Variants in GAS6 observed in about 807,000 individuals in gnomAD.
GAS6 encodes growth arrest specific 6.
In GAS6, 41 loss-of-function variants were observed where a neutral mutation model predicts 75.8. The observed-to-expected ratio is 0.54, with a 90% CI of 0.42 to 0.70. The LOEUF is 0.70. Among genes scored for constraint, GAS6 ranks in the 30% least tolerant of loss-of-function variants. The pLI is 0.00. For missense variants in GAS6, 854 were observed against 940.2 expected, an observed-to-expected ratio of 0.91 and a Z score of 1.20; for synonymous variants, 432 against 412.6, an observed-to-expected ratio of 1.05 and a Z score of -0.57.
chr13:113,858,388 AGT>A (rs761909539), intron 2 of GAS6, among the ~76,000 whole-genome samples: 42 of 149,240 alleles, frequency 2.8e-4, no homozygotes, highest in South Asian at 1.7e-3. Flanking sequence ...CATGTCTGTC[AGT>A]GTGTGTGACT....
chr13:113,832,422 G>A lies in GAS6; in HGVS notation c.1020C>T (p.His340=), dbSNP rs2051640273. 3.1e-6 allele frequency: 5 copies of A among 1,610,338 alleles called. No individual in the cohort carries two copies. The highest frequency in any genetic ancestry group is 1.3e-5 in the African/African-American group (1 of 74,914). ...CCAGCACGATCCAGGTGCTGTCCTG[G>A]TGGCCTCCGGCAAAGAGGAGGATGC... ...PEGILLFAGG[H]QDSTWIVLAL... The change falls in exon 10 of 15, where the codon CAC becomes CAT. Residue 340 remains histidine, a synonymous_variant. Coordinates refer to ENST00000327773, the MANE Select transcript of GAS6 (RefSeq NM_000820.4).
Position 113,864,020 on chromosome 13 carries a change from A to AG in GAS6, c.-101dup. On this transcript the variant is annotated 5_prime_UTR_variant, in exon 1 of 15. Transcript: ENST00000327773. ...GGTCATCCCGTCCTGGCGGCCCTGA[A>AG]GGTCACATCGCGGCGGCGGCGGCGG... is the stretch of plus-strand genomic sequence containing the variant. 2 of 1,015,434 alleles carry AG rather than the reference A, an allele frequency of 2.0e-6. No homozygotes were observed. Among genetic ancestry groups the AG allele is most frequent in the Non-Finnish European group, 2.3e-6 (2 of 852,332 alleles). 62.9% of individuals were successfully genotyped at this position (1,015,434 alleles called of 1,614,324 possible).
chr13:113,823,147 C>A, intron 13 of GAS6: 1 of 475,884 alleles, frequency 2.1e-6, no homozygotes, highest in Admixed American at 3.9e-5. Flanking sequence ...CCGAGTGTGG[C>A]TCGCAGGCGC....
chr13:113,848,521 G>A lies in GAS6; in HGVS notation c.256-471C>T, dbSNP rs968195939. On this transcript the variant is annotated intron_variant, in intron 2 of 14. Transcript: ENST00000327773. The surrounding 1 kb of genome is among the most constrained non-coding windows in gnomAD (Gnocchi z 4.8). ...GAAGGGTCTTCTTATCCATGAAAGC[G>A]CACTGACGAGGTCCACATTCGACAC... 3.3e-5 allele frequency among the ~76,000 whole-genome samples: 5 copies of A among 152,136 alleles called. No individual in the cohort carries two copies. Among genetic ancestry groups the A allele is most frequent in the African/African-American group, 4.8e-5 (2 of 41,410 alleles).
At chr13:113,852,883 G>C (rs577609542) in intron 2 of GAS6, among the ~76,000 whole-genome samples, 63 of 152,312 alleles carry the variant, frequency 4.1e-4, no homozygotes, top group African/African-American at 1.5e-3. Context: ...CTGGTGACAG[G>C]CTTCCTCACC....
In GAS6 at chr13:113,826,985, C is replaced by A. The variant is rs2051558382; in HGVS notation, c.1477+11G>T. ...GCCACAGCCACCCCAACGGTAAGAG[C>A]CAAGACTTACTGTAGTCCAGGCTGT... On this transcript the variant is annotated intron_variant, in intron 12 of 14. Coordinates refer to ENST00000327773, the MANE Select transcript of GAS6 (RefSeq NM_000820.4). 6.2e-7 allele frequency: 1 copy of A among 1,611,194 alleles called. No homozygotes were observed. The highest frequency in any genetic ancestry group is 1.3e-5 in the African/African-American group (1 of 74,808).
rs2051639983 is a variant in GAS6 at position 113,832,401 on chromosome 13, C to T, written c.1041G>A (p.Val347=). ...AGGHQDSTWI[V]LALRAGRLEL... ...CCAGCCGGCCGGCTCTCAGGGCCAG[C>T]ACGATCCAGGTGCTGTCCTGGTGGC... Residue 347 remains valine (V), a synonymous_variant, in exon 10 of 15, where the codon GTG becomes GTA. Coordinates refer to ENST00000327773, the MANE Select transcript of GAS6 (RefSeq NM_000820.4). The T allele has an allele frequency of 2.5e-6, 4 of 1,612,078 alleles. No individual in the cohort carries two copies. The highest frequency in any genetic ancestry group is 1.3e-5 in the African/African-American group (1 of 74,940).
intron 8 of GAS6, chr13:113,832,957 T>C: frequency 6.9e-7 from 1 of 1,456,766 alleles, no homozygotes; most frequent in Non-Finnish European, 9.1e-7. Flanking sequence ...AGCAGCCGCT[T>C]CCCACAGGGC....
chr13:113,832,154 C>A (rs1043216127), intron 10 of GAS6, 145 bp downstream of exon 10: 1 of 916,070 alleles, frequency 1.1e-6, no homozygotes, highest in Non-Finnish European at 1.6e-6. Flanking sequence ...ATGAACTAAA[C>A]GGGGCAGGGG....
At chr13:113,859,006 GTC>G (rs1307529056) in intron 2 of GAS6, among the ~76,000 whole-genome samples, 2 of 151,842 alleles carry the variant, frequency 1.3e-5, no homozygotes, top group African/African-American at 4.8e-5. Context: ...ATGTATACAT[GTC>G]TGTTAGTATG....
intron 12 of GAS6, 46 bp downstream of exon 12, chr13:113,826,950 T>G (rs1163936465): frequency 6.6e-7 from 1 of 1,505,802 alleles, no homozygotes; most frequent in Admixed American, 1.9e-5. Context: ...TATGCCTGTC[T>G]GAAGGTGCAG....
chr13:113,856,502 G>C (rs2051915900), intron 2 of GAS6, among the ~76,000 whole-genome samples: 1 of 152,132 alleles, frequency 6.6e-6, no homozygotes. Flanking sequence ...ACTCTCAGGA[G>C]GACCCGTGCA....
rs1324942867 is a variant in GAS6 at position 113,839,702 on chromosome 13, C to T, written c.466+26G>A. 1.9e-6 allele frequency: 3 copies of T among 1,611,062 alleles called. No homozygotes were observed. The South Asian group carries it at 3.3e-5, about 18-fold the overall frequency. On this transcript the variant is annotated intron_variant, in intron 5 of 14. Coordinates refer to ENST00000327773, the MANE Select transcript of GAS6 (RefSeq NM_000820.4). ...GCAGGGTCGGAGATGGAGGGAGACC[C>T]CGCCTTTGTCTTCAGCCTCACGTAC...
In GAS6 at chr13:113,820,996, T is replaced by C. The variant is rs2051449128; in HGVS notation, c.1905A>G (p.Pro635=). 1 of 1,612,610 alleles carries C rather than the reference T, an allele frequency of 6.2e-7. No homozygotes were observed. The highest frequency in any genetic ancestry group is 8.5e-7 in the Non-Finnish European group (1 of 1,179,878). ...GLPDVPVTSA[P]VTAFYRGCMT... The stretch of plus-strand genomic sequence containing the variant: ...TGCAGCCGCGGTAGAACGCGGTGAC[T>C]GGCGCTGAAGTCACCGGCACATCTG... Residue 635 remains proline, a synonymous_variant, in exon 15 of 15, where the codon CCA becomes CCG. Transcript: ENST00000327773.
At chr13:113,836,217 G>A (rs1289829213) in intron 6 of GAS6, among the ~76,000 whole-genome samples, 1 of 19,428 alleles carries the variant, frequency 5.1e-5, no homozygotes, top group Admixed American at 5.9e-4. Context: ...GAGGAGAAGG[G>A]GGAGTAGGAG....
At chr13:113,823,693 T>A in intron 12 of GAS6, 143 bp from the exon 13 acceptor site, 2 of 813,450 alleles carry the variant, frequency 2.5e-6, no homozygotes, top group Non-Finnish European at 3.7e-6. Context: ...GATGGAAAAC[T>A]CAACAGACTG....
chr13:113,861,933 G>C (rs879318260), intron 2 of GAS6, among the ~76,000 whole-genome samples: 2 of 152,148 alleles, frequency 1.3e-5, no homozygotes, highest in Non-Finnish European at 2.9e-5. Flanking sequence ...GGATGGGAGG[G>C]ATGCCTCCCG....
At chr13:113,846,477 C>A in intron 4 of GAS6, 50 bp downstream of exon 4, 1 of 1,545,420 alleles carries the variant, frequency 6.5e-7, no homozygotes, top group Non-Finnish European at 8.9e-7. Context: ...AAGCCTAAAG[C>A]CGCCCAAACC....
chr13:113,828,472 G>T, intron 11 of GAS6, 75 bp downstream of exon 11: 2 of 1,486,096 alleles, frequency 1.3e-6, no homozygotes, highest in South Asian at 1.3e-5. Context: ...GGCAGGGTGT[G>T]ACTGAGGCTT....
Sources: gnomAD v4.1 joint callset for allele counts (sites outside exome capture counted in the v4.1 genomes callset) on GRCh38, gnomAD v4.1.1 for gene constraint, Gnocchi (gnomAD v3.1) non-coding constraint, MANE v1.5 for transcripts, NCBI Gene and HGNC (gene_info 2026-07-23, HGNC 2026-07-21) for gene names.